The following SLC4A4 variants were observed in gnomAD, a reference collection of about 807,000 sequenced individuals.
The protein encoded by SLC4A4 is solute carrier family 4 member 4, also known as electrogenic sodium bicarbonate cotransporter 1.
Under a neutral mutation model 111.5 loss-of-function variants are expected in SLC4A4, and 27 were observed. The observed-to-expected ratio is 0.24, with a 90% confidence interval of 0.18 to 0.33. The LOEUF (loss-of-function observed/expected upper bound fraction) is 0.33. SLC4A4 is among the 10% of genes least tolerant of loss of function. The pLI is 1.00. For synonymous variants in SLC4A4, 443 were observed against 463.4 expected (o/e 0.96, Z 0.57); for missense variants, 909 against 1,315.5 (o/e 0.69, Z 4.78).
intron 6 of SLC4A4, among the ~76,000 whole-genome samples, chr4:71,362,678 C>T (rs964264133): frequency 6.6e-6 from 1 of 152,150 alleles, no homozygotes; most frequent in African/African-American, 2.4e-5. Context: ...TCATCATAGC[C>T]CTCTTACGTA....
chr4:71,339,486 G>A lies in SLC4A4; in HGVS notation c.370G>A (p.Glu124Lys). The change falls in exon 4 of 26, where the codon GAG becomes AAG. Residue 124 changes from glutamate (E) to lysine (K), a missense_variant. Transcript: ENST00000264485. ...ELLAVDGQEM[E>K]WKETARWIKF... ...GCTGGCCGTGGATGGGCAGGAGATG[G>A]AGTGGAAGGAAACAGCCAGGTGAGG... The A allele has an allele frequency of 1.2e-6, 2 of 1,613,732 alleles. No homozygotes were observed. The highest frequency in any genetic ancestry group is 1.7e-6 in the Non-Finnish European group (2 of 1,180,050).
At chr4:71,512,646 C>T (rs1732035239) in intron 16 of SLC4A4, among the ~76,000 whole-genome samples, 1 of 151,748 alleles carries the variant, frequency 6.6e-6, no homozygotes, top group South Asian at 2.1e-4. Flanking sequence ...GGTTTAAATC[C>T]CACTTGTCTA....
At chr4:71,380,313 A>G (rs1023599029) in intron 6 of SLC4A4, among the ~76,000 whole-genome samples, 2 of 152,182 alleles carry the variant, frequency 1.3e-5, no homozygotes, top group African/African-American at 4.8e-5. Context: ...TCTCTGAAGT[A>G]AGCATCACTC....
In SLC4A4 at chr4:71,560,086, C is replaced by G. The variant is rs553782392; in HGVS notation, c.2938-7C>G. ...TTCTTTCATACTTTTAATATTTGCT[C>G]TTTCAGATCTTGGCACTTGTAGCTG... On this transcript the variant is annotated splice_polypyrimidine_tract_variant and splice_region_variant and intron_variant, in intron 22 of 25. Transcript: ENST00000264485. 2.5e-6 allele frequency: 4 copies of G among 1,605,464 alleles called. No individual in the cohort carries two copies. In the African/African-American group the frequency reaches 5.4e-5, roughly 21 times the overall value.
intron 12 of SLC4A4, among the ~76,000 whole-genome samples, chr4:71,459,359 T>A (rs897618039): frequency 6.6e-6 from 1 of 151,954 alleles, no homozygotes; most frequent in Non-Finnish European, 1.5e-5. Flanking sequence ...TAGAAGGTAA[T>A]TTTGCCCTTA....
At chr4:71,350,551 G>C (rs1018290838) in intron 5 of SLC4A4, among the ~76,000 whole-genome samples, 2 of 151,948 alleles carry the variant, frequency 1.3e-5, no homozygotes, top group Non-Finnish European at 2.9e-5. Flanking sequence ...ATGTACTTCA[G>C]ATGCATGAAA....
intron 14 of SLC4A4, among the ~76,000 whole-genome samples, chr4:71,484,290 G>C (rs1441281998): frequency 1.3e-5 from 2 of 151,708 alleles, no homozygotes; most frequent in Non-Finnish European, 2.9e-5. Flanking sequence ...TGTCTTCTAG[G>C]GTTTTTATAG....
intron 2 of SLC4A4, among the ~76,000 whole-genome samples, chr4:71,123,163 C>T (rs79239634): frequency 0.021 from 3,152 of 152,148 alleles, 116 homozygotes; most frequent in African/African-American, 0.073. Flanking sequence ...AAGAAGCAGA[C>T]AACTAAAAGG....
At chr4:71,565,946 G>T (rs1024836303) in intron 24 of SLC4A4, among the ~76,000 whole-genome samples, 1 of 151,796 alleles carries the variant, frequency 6.6e-6, no homozygotes, top group African/African-American at 2.4e-5. Flanking sequence ...GACAGAAGCT[G>T]CAGTCTTTTA....
At chr4:71,521,238 T>A (rs528195451) in intron 16 of SLC4A4, among the ~76,000 whole-genome samples, 2 of 152,038 alleles carry the variant, frequency 1.3e-5, no homozygotes, top group African/African-American at 2.4e-5. Context: ...TTCTCCTTTA[T>A]TTTTTTTAAA....
At chr4:71,276,577 T>C (rs1158771350) in intron 3 of SLC4A4, among the ~76,000 whole-genome samples, 2 of 151,992 alleles carry the variant, frequency 1.3e-5, no homozygotes, top group African/African-American at 4.8e-5. Context: ...TTTTTTTTTT[T>C]AGATCTTCTT....
chr4:71,385,557 C>T lies in SLC4A4; in HGVS notation c.731-12020C>T, dbSNP rs537162646. On this transcript the variant is annotated intron_variant, in intron 6 of 25. Coordinates refer to ENST00000264485, the MANE Select transcript of SLC4A4 (RefSeq NM_001098484.3). ...TTTGTGCTTTCTCTATCAGTTTGTT[C>T]TAATGTTAGAAATACATGAATAGAA... Among the ~76,000 whole-genome samples the T allele has an allele frequency of 2.6e-5, 4 of 152,022 alleles. No individual in the cohort carries two copies. The East Asian group carries it at 5.8e-4, about 22-fold the overall frequency.
chr4:71,552,786 A>G (rs543603712), intron 20 of SLC4A4, among the ~76,000 whole-genome samples: 4 of 151,924 alleles, frequency 2.6e-5, no homozygotes, highest in East Asian at 3.9e-4. Flanking sequence ...CCTGTATGGT[A>G]TACTTTGTGC....
chr4:71,192,652 C>T (rs1745783823), intron 1 of SLC4A4, among the ~76,000 whole-genome samples: 1 of 152,134 alleles, frequency 6.6e-6, no homozygotes, highest in African/African-American at 2.4e-5. Flanking sequence ...CCCACTTTCT[C>T]AGCTCTTCCT....
chr4:71,551,847 A>G (rs1736019831), intron 20 of SLC4A4, among the ~76,000 whole-genome samples: 1 of 151,954 alleles, frequency 6.6e-6, no homozygotes, highest in South Asian at 2.1e-4. Context: ...ATTGCAAGTC[A>G]GTACTTCCTT....
At chr4:71,148,943 T>A (rs1208599182) in intron 2 of SLC4A4, among the ~76,000 whole-genome samples, 1 of 152,208 alleles carries the variant, frequency 6.6e-6, no homozygotes, top group East Asian at 1.9e-4. Context: ...TATTTCTGTC[T>A]TTTGGTCTTT....
Position 71,567,771 on chromosome 4 carries a change from T to C in SLC4A4, c.*37-17T>C. ...AATCTGATTTACTTACTACTTTTTT[T>C]TTTCCTTTTTCTCTAGTCCTCCTAG... is the stretch of plus-strand genomic sequence containing the variant. On this transcript the variant is annotated splice_polypyrimidine_tract_variant and intron_variant, in intron 25 of 25. Transcript: ENST00000264485. The C allele has an allele frequency of 2.4e-6, 3 of 1,276,292 alleles. No homozygotes were observed. The South Asian group carries it at 4.2e-5, about 18-fold the overall frequency. The allele number at this position is 1,276,292 out of a possible 1,614,324, so 79.1% of individuals were successfully genotyped here.
At chr4:71,359,751 T>G (rs150074238) in intron 6 of SLC4A4, among the ~76,000 whole-genome samples, 2,110 of 152,280 alleles carry the variant, frequency 0.014, 35 homozygotes, top group African/African-American at 0.035. Flanking sequence ...TTCCTACAGT[T>G]TTAATAGACC....
chr4:71,412,433 T>G (rs1290156479), intron 7 of SLC4A4, among the ~76,000 whole-genome samples: 1 of 152,184 alleles, frequency 6.6e-6, no homozygotes, highest in Admixed American at 6.5e-5. Context: ...AGAGAATAGA[T>G]TTATTGTTTT....
Sources: allele counts gnomAD v4.1 joint callset (sites outside exome capture counted in the v4.1 genomes callset), GRCh38; gene constraint gnomAD v4.1.1; transcripts MANE v1.5; gene names NCBI Gene and HGNC (gene_info 2026-07-23, HGNC 2026-07-21).